SOX5: variants seen among roughly 807,000 people sequenced by gnomAD.
SOX5 encodes the protein SRY-box transcription factor 5.
SOX5 carries 9 observed loss-of-function variants against 92.0 expected under a neutral mutation model. That is an observed-to-expected ratio of 0.10 (90% CI 0.06 to 0.17). The LOEUF (loss-of-function observed/expected upper bound fraction) is 0.17, where lower values mean the gene tolerates loss of function less well. Ranked by LOEUF, SOX5 falls within the 10% of genes least tolerant of loss-of-function variation. The pLI, the probability that SOX5 is intolerant of heterozygous loss-of-function variation, is 1.00. For synonymous variants in SOX5, 344 were observed against 336.3 expected, an observed-to-expected ratio of 1.02 and a Z score of -0.25; for missense variants, 642 against 944.5, an observed-to-expected ratio of 0.68 and a Z score of 4.20.
Position 24,159,285 on chromosome 12 carries a change from T to C in SOX5, c.-2+54058A>G, listed in dbSNP as rs1034987213. 4.6e-5 allele frequency among the ~76,000 whole-genome samples: 7 copies of C among 152,024 alleles called. No individual in the cohort carries two copies. In the East Asian group the frequency reaches 1.4e-3, roughly 29 times the overall value. On this transcript the variant is annotated intron_variant, in intron 4 of 4. Transcript: ENST00000446891. ...TCAGGCTAAATTCAAGGCCAGAAGT[T>C]AAGTAAAACAAGGTCCCTGCTTCTC...
chr12:24,029,141 G>T (rs1056075545), intron 4 of SOX5, among the ~76,000 whole-genome samples: 2 of 151,884 alleles, frequency 1.3e-5, no homozygotes, highest in Admixed American at 6.6e-5. Context: ...AGTCTTAACA[G>T]CAAATACACA....
intron 4 of SOX5, among the ~76,000 whole-genome samples, chr12:24,107,373 T>G (rs1404531900): frequency 6.6e-6 from 1 of 152,218 alleles, no homozygotes; most frequent in African/African-American, 2.4e-5. Context: ...TTAGACCTTC[T>G]GAATATACCT....
At chr12:24,446,612 G>T (rs1278152143) in intron 1 of SOX5, among the ~76,000 whole-genome samples, 3 of 152,146 alleles carry the variant, frequency 2.0e-5, no homozygotes, top group African/African-American at 7.2e-5. Context: ...AATCATTCTG[G>T]CTACTGTTCA....
At chr12:24,098,313 G>T (rs1012898042) in intron 4 of SOX5, among the ~76,000 whole-genome samples, 2 of 152,100 alleles carry the variant, frequency 1.3e-5, no homozygotes, top group Admixed American at 1.3e-4. Context: ...TGCTCTTGGG[G>T]TTTCCAGTGG....
chr12:24,545,958 G>A (rs114856963), intron 1 of SOX5, among the ~76,000 whole-genome samples: 103 of 152,166 alleles, frequency 6.8e-4, no homozygotes, highest in African/African-American at 2.4e-3. Flanking sequence ...CCTCCTATCC[G>A]TCCTTTTCCC....
chr12:23,637,024 C>T (rs1167028125), intron 8 of SOX5, among the ~76,000 whole-genome samples: 2 of 152,130 alleles, frequency 1.3e-5, no homozygotes, highest in African/African-American at 2.4e-5. Flanking sequence ...TATTCCATAA[C>T]CATGGGTGAT....
rs900809381 is a variant in SOX5, at chr12:23,762,349, G to T, written c.482-6625C>A. 8.8e-6 allele frequency: 3 copies of T among 341,290 alleles called. No homozygotes were observed. In the East Asian group the frequency reaches 1.2e-4, roughly 14 times the overall value. The allele number at this position is 341,290 out of a possible 1,614,324, so 21.1% of individuals were successfully genotyped here. The stretch of plus-strand genomic sequence containing the variant: ...AGAGCTTGAGGCTGTAGCGTACTTT[G>T]TTTGCACCTGTGAATAGCCACCACA... On this transcript the variant is annotated intron_variant, in intron 3 of 14. Transcript: ENST00000451604.
chr12:24,539,823 C>T (rs145016498), intron 1 of SOX5, among the ~76,000 whole-genome samples: 9 of 152,176 alleles, frequency 5.9e-5, no homozygotes, highest in Admixed American at 2.0e-4. Flanking sequence ...AGTCATTCAA[C>T]ACATAAACAC....
chr12:23,571,173 A>C (rs1948316295), intron 10 of SOX5, among the ~76,000 whole-genome samples: 1 of 150,204 alleles, frequency 6.7e-6, no homozygotes, highest in African/African-American at 2.4e-5. Flanking sequence ...AATAATAATA[A>C]ATAAATAAAA....
chr12:24,404,668 G>T (rs1053268159), intron 1 of SOX5, among the ~76,000 whole-genome samples: 1 of 152,170 alleles, frequency 6.6e-6, no homozygotes, highest in African/African-American at 2.4e-5. Context: ...GAAAGAATGC[G>T]AGCTACAGAG....
chr12:23,568,283 C>A (rs61923841), intron 10 of SOX5, among the ~76,000 whole-genome samples: 19,571 of 152,152 alleles, frequency 0.13, 1,671 homozygotes, highest in Non-Finnish European at 0.18. Context: ...TCAGAGCTTC[C>A]AGAAGGAACC....
intron 1 of SOX5, among the ~76,000 whole-genome samples, chr12:24,445,144 C>A (rs923763434): frequency 1.3e-5 from 2 of 152,062 alleles, no homozygotes; most frequent in Admixed American, 1.3e-4. Flanking sequence ...TTAGTTAAAA[C>A]AATAAGTCAT....
intron 3 of SOX5, among the ~76,000 whole-genome samples, chr12:24,269,857 TTTTTTTTTTTG>T: frequency 7.3e-6 from 1 of 137,660 alleles, no homozygotes; most frequent in African/African-American, 2.8e-5. Flanking sequence ...TTTTTTTTTT[TTTTTTTTTTTG>T]AGACAAGGTC....
At chr12:23,884,483 TA>T (rs2097038714) in intron 2 of SOX5, among the ~76,000 whole-genome samples, 1 of 152,186 alleles carries the variant, frequency 6.6e-6, no homozygotes, top group African/African-American at 2.4e-5. Context: ...CTGGCCCATT[TA>T]AAGCCAGCTA....
intron 2 of SOX5, among the ~76,000 whole-genome samples, chr12:24,366,089 G>C (rs1458450138): frequency 6.6e-6 from 1 of 152,106 alleles, no homozygotes; most frequent in Non-Finnish European, 1.5e-5. Context: ...TCAATTCAAT[G>C]TCACTATTCG....
intron 3 of SOX5, among the ~76,000 whole-genome samples, chr12:24,233,800 A>G (rs1963904157): frequency 6.6e-6 from 1 of 152,258 alleles, no homozygotes; most frequent in Non-Finnish European, 1.5e-5. Context: ...GTAACCAGAC[A>G]GGTTTTTTAA....
At chr12:24,369,901 T>C (rs779834960) in intron 1 of SOX5, among the ~76,000 whole-genome samples, 1 of 152,248 alleles carries the variant, frequency 6.6e-6, no homozygotes, top group Non-Finnish European at 1.5e-5. Flanking sequence ...CAAGTGAACT[T>C]ACTAACAAAG....
intron 11 of SOX5, among the ~76,000 whole-genome samples, chr12:23,562,678 T>C (rs1312178196): frequency 6.6e-6 from 1 of 152,080 alleles, no homozygotes; most frequent in East Asian, 1.9e-4. Flanking sequence ...AATCATTGTC[T>C]CTCAGACAAA....
At chr12:24,430,276 T>TATA in intron 1 of SOX5, among the ~76,000 whole-genome samples, 1 of 152,158 alleles carries the variant, frequency 6.6e-6, no homozygotes, top group South Asian at 2.1e-4. Context: ...CCAGAGAATC[T>TATA]GTCACCAAAG....
Sources: gnomAD v4.1 joint callset for allele counts (sites outside exome capture counted in the v4.1 genomes callset) on GRCh38, gnomAD v4.1.1 for gene constraint, MANE v1.5 for transcripts, NCBI Gene and HGNC (gene_info 2026-07-23, HGNC 2026-07-21) for gene names.